The following SPG7 variants were observed in gnomAD, a reference collection of about 807,000 sequenced individuals.
SPG7 encodes the protein mitochondrial inner membrane m-AAA protease component paraplegin.
SPG7 carries 103 observed loss-of-function variants against 81.9 expected under a neutral mutation model. The observed-to-expected ratio is 1.26, with a 90% CI of 1.07 to 1.48. The LOEUF is 1.48. SPG7 is among the 40% of genes most tolerant of loss of function. SPG7 has a pLI of 0.00. For missense variants in SPG7, 1,241 were observed against 1,087.3 expected (o/e 1.14, Z -1.99); for synonymous variants, 534 against 444.2 (o/e 1.20, Z -2.54).
chr16:89,551,635 T>C (rs2058635040), intron 13 of SPG7: 1 of 152,202 alleles, frequency 6.6e-6, no homozygotes, highest in Non-Finnish European at 1.5e-5. Context: ...TCAAAATTAA[T>C]GCAGGGACTT....
At chr16:89,547,308 A>G (rs1447799043) in intron 11 of SPG7, 3 of 185,784 alleles carry the variant, frequency 1.6e-5, no homozygotes, top group Admixed American at 1.6e-4. Flanking sequence ...TTTCTTTGCC[A>G]TCAATGCTCA....
At chr16:89,508,937 G>A (rs1196907445) in intron 1 of SPG7, 1 of 524,852 alleles carries the variant, frequency 1.9e-6, no homozygotes, top group East Asian at 4.8e-5. Context: ...CTAATTTACA[G>A]TCCACGCCTG....
At chr16:89,547,797 G>C (rs533865536) in intron 11 of SPG7, 1 of 544,670 alleles carries the variant, frequency 1.8e-6, no homozygotes, top group Admixed American at 2.9e-5. Context: ...ATTTTTAGTA[G>C]CAATAGGGTT....
At chr16:89,511,476 C>T (rs1355224528) in intron 2 of SPG7, among the ~76,000 whole-genome samples, 1 of 152,218 alleles carries the variant, frequency 6.6e-6, no homozygotes, top group African/African-American at 2.4e-5. Context: ...CATTAAACAG[C>T]TTTGTGCCAA....
intron 4 of SPG7, 37 bp from the exon 5 acceptor site, chr16:89,526,292 G>T (rs1422746435): frequency 6.2e-7 from 1 of 1,612,990 alleles, no homozygotes; most frequent in South Asian, 1.1e-5. Flanking sequence ...GTCTGTCCCT[G>T]CGTTTCTCAT....
chr16:89,549,295 C>T (rs1057803), intron 12 of SPG7: 19 of 444,966 alleles, frequency 4.3e-5, no homozygotes, highest in Middle Eastern at 6.6e-4. Context: ...TGGACACTTA[C>T]AGATGTGTGG....
chr16:89,508,731 C>G (rs1214987598), intron 1 of SPG7, 131 bp downstream of exon 1: 5 of 1,008,758 alleles, frequency 5.0e-6, no homozygotes, highest in East Asian at 5.3e-5. Context: ...CCGCGGATCC[C>G]CCAGCTGTGG....
chr16:89,508,441 C>T lies in SPG7; in HGVS notation c.24C>T (p.Leu8=), dbSNP rs1007084996. The change falls in exon 1 of 17, where the codon CTC becomes CTT. Residue 8 remains leucine, a synonymous_variant. Transcript: ENST00000645818. ...ACATGGCCGTGCTGCTGCTGCTGCT[C>T]CGTGCCCTCCGCCGGGGTCCAGGCC... The part of the protein sequence containing the change: MAVLLLL[L]RALRRGPGPG... 1.2e-5 allele frequency: 18 copies of T among 1,501,802 alleles called. No homozygotes were observed. Among genetic ancestry groups the T allele is most frequent in the Admixed American group, 2.1e-5 (1 of 47,782 alleles). 93.0% of individuals were successfully genotyped at this position (1,501,802 alleles called of 1,614,324 possible). A position where few individuals can be genotyped will look rare whatever the true frequency, so the allele number is the denominator to read the frequency against.
intron 4 of SPG7, among the ~76,000 whole-genome samples, chr16:89,525,266 G>A (rs759200483): frequency 5.9e-5 from 9 of 152,158 alleles, no homozygotes; most frequent in Non-Finnish European, 1.2e-4. Flanking sequence ...CACGCCTGGC[G>A]CTGTCTTGCT....
At position 89,508,428 on chromosome 16, in the gene SPG7, T is replaced by C. The variant is rs2057958357; in HGVS notation, c.11T>C (p.Leu4Pro). The change falls in exon 1 of 17, where the codon CTG becomes CCG. Residue 4 changes from leucine (L) to proline (P), a missense_variant. Transcript: ENST00000645818. ...GGCTTTCAGGCCAACATGGCCGTGC[T>C]GCTGCTGCTGCTCCGTGCCCTCCGC... MAV[L>P]LLLLRALRRG... 2 of 1,492,058 alleles carry C rather than the reference T, an allele frequency of 1.3e-6. No individual in the cohort carries two copies. Among genetic ancestry groups the C allele is most frequent in the East Asian group, 2.8e-5 (1 of 35,582 alleles). The allele number at this position is 1,492,058 out of a possible 1,614,324, so 92.4% of individuals were successfully genotyped here.
In SPG7 at chr16:89,531,964, C is replaced by G. The variant is rs199789849; in HGVS notation, c.1048C>G (p.Pro350Ala). 3.9e-5 allele frequency: 63 copies of G among 1,613,922 alleles called. No homozygotes were observed. Among genetic ancestry groups the G allele is most frequent in the South Asian group, 1.2e-4 (11 of 91,084 alleles). ...KVPKGALLLG[P>A]PGCGKTLLAK... is the part of the protein sequence containing the mutation. ...CCCAAAGGGCGCACTGCTGCTCGGC[C>G]CCCCCGGCTGTGGGAAGACGCTGCT... Residue 350 changes from proline (P) to alanine (A), a missense_variant, in exon 8 of 17, where the codon CCC becomes GCC. By Grantham distance (27) the Pro-to-Ala change is conservative (BLOSUM62 -1). Coordinates refer to ENST00000645818, the MANE Select transcript of SPG7 (RefSeq NM_003119.4).
chr16:89,532,283 C>A (rs555862457), intron 8 of SPG7, among the ~76,000 whole-genome samples, 180 bp from the exon 9 acceptor site: 2 of 152,260 alleles, frequency 1.3e-5, no homozygotes, highest in African/African-American at 4.8e-5. Flanking sequence ...CAGCACGGTG[C>A]GTGTGAACCC....
chr16:89,530,583 G>A (rs936543381), intron 6 of SPG7, 100 bp from the exon 7 acceptor site: 38 of 1,367,998 alleles, frequency 2.8e-5, no homozygotes, highest in Non-Finnish European at 2.8e-5. Context: ...GGATGGAGAC[G>A]TGGGGTTGGG....
intron 7 of SPG7, 74 bp downstream of exon 7, chr16:89,530,882 G>C: frequency 6.2e-7 from 1 of 1,600,304 alleles, no homozygotes; most frequent in South Asian, 1.1e-5. Flanking sequence ...GGGCTCCTGC[G>C]GGACCTGGAA....
intron 9 of SPG7, chr16:89,536,784 A>C (rs760393022): frequency 6.2e-7 from 1 of 1,613,748 alleles, no homozygotes; most frequent in South Asian, 1.1e-5. Context: ...TTGACCAGCT[A>C]CCCTCCCAGG....
chr16:89,510,473 T>G lies in SPG7; in HGVS notation c.184-17T>G, dbSNP rs754046139. 1.1e-5 allele frequency: 10 copies of G among 922,826 alleles called. No individual in the cohort carries two copies. The East Asian group carries it at 1.8e-4, about 17-fold the overall frequency. 57.2% of individuals were successfully genotyped at this position (922,826 alleles called of 1,614,324 possible). The stretch of plus-strand genomic sequence containing the variant: ...ATGTTGGTGTGACCTCCAGTATTGT[T>G]TTTTTTTTTTTTTCAGAGCTTACAA... On this transcript the variant is annotated splice_polypyrimidine_tract_variant and intron_variant, in intron 1 of 16. Coordinates refer to ENST00000645818, the MANE Select transcript of SPG7 (RefSeq NM_003119.4).
intron 16 of SPG7, 169 bp from the exon 17 acceptor site, chr16:89,556,718 G>T: frequency 1.5e-6 from 1 of 677,460 alleles, no homozygotes. Flanking sequence ...TGAGATGGGG[G>T]TGATTCTTCT....
In SPG7 at chr16:89,532,575, G is replaced by T; in HGVS notation, c.1263G>T (p.Met421Ile). Residue 421 changes from methionine (M) to isoleucine (I), a missense_variant, in exon 9 of 17, where the codon ATG becomes ATT. Transcript: ENST00000645818. ...DAVGKKRSTTMSGFSNTEEEQ... is the reference protein window; with the variant it reads ...DAVGKKRSTTISGFSNTEEEQ... ...TGGGCAAGAAGCGCTCCACCACCAT[G>T]TCCGGCTTCTCCAACACGGAGGAGG... is the stretch of plus-strand genomic sequence containing the variant. The T allele has an allele frequency of 6.2e-7, 1 of 1,613,792 alleles. No homozygotes were observed. The highest frequency in any genetic ancestry group is 8.5e-7 in the Non-Finnish European group (1 of 1,180,038).
intron 3 of SPG7, 65 bp from the exon 4 acceptor site, chr16:89,523,941 C>G: frequency 6.3e-7 from 1 of 1,598,006 alleles, no homozygotes; most frequent in Non-Finnish European, 8.5e-7. Flanking sequence ...TGAGGAAGCT[C>G]TGGATGTCGC....
Sources: allele counts gnomAD v4.1 joint callset (sites outside exome capture counted in the v4.1 genomes callset), GRCh38; gene constraint gnomAD v4.1.1; transcripts MANE v1.5; gene names NCBI Gene and HGNC (gene_info 2026-07-23, HGNC 2026-07-21).